Variants in KCND2 observed in about 807,000 individuals in gnomAD.
The protein encoded by KCND2 is potassium voltage-gated channel subfamily D member 2.
In KCND2, 16 loss-of-function variants were observed where a neutral mutation model predicts 54.4. The observed-to-expected ratio is 0.29, with a 90% CI of 0.20 to 0.45. The LOEUF (loss-of-function observed/expected upper bound fraction) is 0.45. Ranked by LOEUF, KCND2 falls within the 20% of genes least tolerant of loss-of-function variation. KCND2 has a pLI of 1.00. For synonymous variants in KCND2, 317 were observed against 310.7 expected, an observed-to-expected ratio of 1.02 and a Z score of -0.21; for missense variants, 486 against 824.2, an observed-to-expected ratio of 0.59 and a Z score of 5.02.
chr7:120,425,893 T>C (rs1801699410), intron 1 of KCND2, among the ~76,000 whole-genome samples: 1 of 152,182 alleles, frequency 6.6e-6, no homozygotes, highest in African/African-American at 2.4e-5. Flanking sequence ...CATTTCTGGA[T>C]TCTTCTACTT....
intron 1 of KCND2, among the ~76,000 whole-genome samples, chr7:120,553,042 G>A (rs1281937661): frequency 4.6e-5 from 7 of 152,050 alleles, no homozygotes; most frequent in African/African-American, 1.7e-4. Context: ...TTTTTCATTG[G>A]TGAAGACACT....
At chr7:120,453,762 G>A (rs2116223329) in intron 1 of KCND2, among the ~76,000 whole-genome samples, 1 of 152,150 alleles carries the variant, frequency 6.6e-6, no homozygotes, top group South Asian at 2.1e-4. Flanking sequence ...TGTAAAAAGG[G>A]AACTTTATAC....
At chr7:120,586,467 T>C (rs1792601974) in intron 1 of KCND2, among the ~76,000 whole-genome samples, 1 of 152,152 alleles carries the variant, frequency 6.6e-6, no homozygotes, top group East Asian at 1.9e-4. Flanking sequence ...AACATTATTA[T>C]CAAAAATTAT....
chr7:120,397,989 G>GTATA (rs1478344765), intron 1 of KCND2, among the ~76,000 whole-genome samples: 209 of 39,966 alleles, frequency 5.2e-3, no homozygotes, highest in Middle Eastern at 0.033. Context: ...GTGTGTGTGT[G>GTATA]TGTGTGTATA....
Position 120,733,066 on chromosome 7 carries a change from G to T in KCND2, c.1278+1G>T. On this transcript the variant is annotated splice_donor_variant, in intron 2 of 5. Transcript: ENST00000331113. LOFTEE classifies it high-confidence loss of function. ...AGCAGACAAACGAAGGGCACAAAAGGTGCGTATTCAACTCCGTGCAACCAT... is the reference window on the plus strand; with the variant it reads ...AGCAGACAAACGAAGGGCACAAAAGTTGCGTATTCAACTCCGTGCAACCAT... 6.2e-7 allele frequency: 1 copy of T among 1,613,316 alleles called. No homozygotes were observed. The highest frequency in any genetic ancestry group is 8.5e-7 in the Non-Finnish European group (1 of 1,179,548).
intron 1 of KCND2, among the ~76,000 whole-genome samples, chr7:120,508,782 T>G (rs1803067137): frequency 6.6e-6 from 1 of 152,002 alleles, no homozygotes; most frequent in South Asian, 2.1e-4. Flanking sequence ...TATGACATAT[T>G]TTTTCTGCCA....
chr7:120,320,869 G>A (rs1799885071), intron 1 of KCND2, among the ~76,000 whole-genome samples: 1 of 152,084 alleles, frequency 6.6e-6, no homozygotes, highest in Non-Finnish European at 1.5e-5. Context: ...GTTTATTGGA[G>A]AAGATAAGTT....
At chr7:120,339,488 A>G (rs190922685) in intron 1 of KCND2, among the ~76,000 whole-genome samples, 27 of 150,204 alleles carry the variant, frequency 1.8e-4, no homozygotes, top group African/African-American at 6.2e-4. Context: ...CAGATTTCCA[A>G]TTCTCTTTAG....
At chr7:120,355,383 C>A (rs1364319569) in intron 1 of KCND2, among the ~76,000 whole-genome samples, 3 of 152,092 alleles carry the variant, frequency 2.0e-5, no homozygotes, top group African/African-American at 7.2e-5. Context: ...CCCATCTCTA[C>A]TAAAAATACA....
At chr7:120,544,255 GA>G (rs1792017045) in intron 1 of KCND2, among the ~76,000 whole-genome samples, 1 of 151,880 alleles carries the variant, frequency 6.6e-6, no homozygotes, top group South Asian at 2.1e-4. Context: ...AAGCAAGACA[GA>G]AAGGTAATTA....
intron 1 of KCND2, among the ~76,000 whole-genome samples, chr7:120,326,833 C>T (rs978534268): frequency 2.6e-5 from 4 of 151,976 alleles, no homozygotes; most frequent in African/African-American, 9.7e-5. Flanking sequence ...GTGTCTAGAC[C>T]TTGGGGATTG....
At chr7:120,369,993 G>A (rs1346289686) in intron 1 of KCND2, among the ~76,000 whole-genome samples, 1 of 151,984 alleles carries the variant, frequency 6.6e-6, no homozygotes. Context: ...AGGGGCCAGA[G>A]TATATATGGT....
intron 1 of KCND2, among the ~76,000 whole-genome samples, chr7:120,570,421 A>C (rs1350063144): frequency 6.6e-6 from 1 of 152,116 alleles, no homozygotes; most frequent in Admixed American, 6.6e-5. Context: ...AAAGTTAAAA[A>C]AAAAAAAAAC....
At chr7:120,712,997 T>G (rs943513412) in intron 1 of KCND2, among the ~76,000 whole-genome samples, 4 of 152,202 alleles carry the variant, frequency 2.6e-5, no homozygotes, top group African/African-American at 4.8e-5. Flanking sequence ...ACGTAGCCCT[T>G]GTCACCTCTC....
intron 1 of KCND2, among the ~76,000 whole-genome samples, chr7:120,587,935 T>A (rs1479314498): frequency 6.6e-6 from 1 of 152,192 alleles, no homozygotes; most frequent in Non-Finnish European, 1.5e-5. Flanking sequence ...GAACCTATGT[T>A]TAGAATCCTG....
chr7:120,475,710 A>T (rs1432179525), intron 1 of KCND2, among the ~76,000 whole-genome samples: 1 of 152,224 alleles, frequency 6.6e-6, no homozygotes, highest in Non-Finnish European at 1.5e-5. Context: ...AACAATTATC[A>T]TATGGTCATG....
At chr7:120,291,715 G>C (rs1165103778) in intron 1 of KCND2, among the ~76,000 whole-genome samples, 1 of 151,892 alleles carries the variant, frequency 6.6e-6, no homozygotes, top group Non-Finnish European at 1.5e-5. Context: ...CACATTGGCT[G>C]ATTCTACAGA....
At chr7:120,537,726 G>A (rs1369039436) in intron 1 of KCND2, among the ~76,000 whole-genome samples, 5 of 152,052 alleles carry the variant, frequency 3.3e-5, no homozygotes, top group African/African-American at 7.2e-5. Flanking sequence ...GCTTCTTTCC[G>A]TAAACCTCAT....
intron 1 of KCND2, among the ~76,000 whole-genome samples, chr7:120,459,939 A>C (rs1802260651): frequency 6.6e-6 from 1 of 152,198 alleles, no homozygotes. Context: ...AAGAAGGAGA[A>C]AGCTGAGAGT....
Sources: gnomAD v4.1 joint callset for allele counts (sites outside exome capture counted in the v4.1 genomes callset) on GRCh38, gnomAD v4.1.1 for gene constraint, MANE v1.5 for transcripts, NCBI Gene and HGNC (gene_info 2026-07-23, HGNC 2026-07-21) for gene names.